Variants in NELL2 observed in about 807,000 individuals in gnomAD.
NELL2 encodes the protein neural EGFL like 2.
A neutral mutation model predicts 109.6 loss-of-function variants in NELL2; 41 were observed. That is an observed-to-expected ratio of 0.37 (90% CI 0.29 to 0.49). NELL2 has a LOEUF of 0.49. NELL2 is among the 20% of genes least tolerant of loss of function. The pLI, the probability that NELL2 is intolerant of heterozygous loss-of-function variation, is 0.98. For missense variants in NELL2, 900 were observed against 1,008.3 expected (o/e 0.89, Z 1.45); for synonymous variants, 355 against 344.7 (o/e 1.03, Z -0.33).
At chr12:44,571,533 G>A (rs1210550743) in intron 15 of NELL2, among the ~76,000 whole-genome samples, 3 of 152,180 alleles carry the variant, frequency 2.0e-5, no homozygotes, top group Non-Finnish European at 2.9e-5. Flanking sequence ...GGGAAGTGAT[G>A]TTATCTTGTT....
At chr12:44,687,234 G>A (rs886218965) in intron 12 of NELL2, among the ~76,000 whole-genome samples, 2 of 150,760 alleles carry the variant, frequency 1.3e-5, no homozygotes, top group African/African-American at 2.4e-5. Context: ...TGCGCTTCCC[G>A]AGTGAGGCAA....
At chr12:44,598,723 A>G (rs188161773) in intron 15 of NELL2, among the ~76,000 whole-genome samples, 3 of 152,288 alleles carry the variant, frequency 2.0e-5, no homozygotes, top group African/African-American at 7.2e-5. Flanking sequence ...ATAAGAAGCC[A>G]AACACCAGAT....
At chr12:44,515,294 A>G (rs1225030372) in intron 19 of NELL2, among the ~76,000 whole-genome samples, 1 of 151,922 alleles carries the variant, frequency 6.6e-6, no homozygotes, top group Non-Finnish European at 1.5e-5. Context: ...ACAAAACAAT[A>G]TACTATGTGG....
intron 15 of NELL2, among the ~76,000 whole-genome samples, chr12:44,544,785 T>A (rs2139039701): frequency 6.6e-6 from 1 of 152,120 alleles, no homozygotes; most frequent in Non-Finnish European, 1.5e-5. Context: ...ATAAAGAAAA[T>A]GAGACAGAAG....
chr12:44,799,221 G>A (rs548812530), intron 3 of NELL2, among the ~76,000 whole-genome samples: 1 of 152,120 alleles, frequency 6.6e-6, no homozygotes, highest in South Asian at 2.1e-4. Context: ...GCCTCCCAAA[G>A]TGCTGGGACT....
chr12:44,860,902 G>GCC (rs1944821834), intron 2 of NELL2, among the ~76,000 whole-genome samples: 1 of 152,024 alleles, frequency 6.6e-6, no homozygotes, highest in Admixed American at 6.6e-5. Context: ...CAAATTTCCA[G>GCC]CCCACTGAAG....
chr12:44,628,400 C>T (rs185234852), intron 13 of NELL2, among the ~76,000 whole-genome samples: 194 of 152,298 alleles, frequency 1.3e-3, no homozygotes, highest in Non-Finnish European at 2.0e-3. Flanking sequence ...CACTGAAACA[C>T]AATCCAAGCC....
At chr12:44,612,117 A>G (rs746709360) in intron 13 of NELL2, among the ~76,000 whole-genome samples, 10 of 152,070 alleles carry the variant, frequency 6.6e-5, no homozygotes, top group African/African-American at 1.4e-4. Context: ...TAATGGTAAT[A>G]TATCTGTAAC....
intron 19 of NELL2, among the ~76,000 whole-genome samples, chr12:44,511,154 C>T (rs1940985870): frequency 6.6e-6 from 1 of 152,112 alleles, no homozygotes; most frequent in African/African-American, 2.4e-5. Context: ...GTTGCTTATT[C>T]CATATTGGAT....
At chr12:44,624,441 T>C (rs566593709) in intron 13 of NELL2, among the ~76,000 whole-genome samples, 1 of 152,242 alleles carries the variant, frequency 6.6e-6, no homozygotes, top group South Asian at 2.1e-4. Context: ...TCATGGCTCT[T>C]ATTCTACCCT....
In NELL2 at chr12:44,600,209, C is replaced by T. The variant is rs1592186144; in HGVS notation, c.1663+6960G>A. Among the ~76,000 whole-genome samples the T allele has an allele frequency of 2.0e-5, 3 of 149,150 alleles. No individual in the cohort carries two copies. The East Asian group carries it at 5.9e-4, about 29-fold the overall frequency. On this transcript the variant is annotated intron_variant, in intron 15 of 19. Coordinates refer to ENST00000429094, the MANE Select transcript of NELL2 (RefSeq NM_001145108.2). ...TATTTTTAGTAGAAATGGGGCTTCA[C>T]CGTGTTAGTCAGGATGGTCTGGATC...
In NELL2 at chr12:44,839,564, G is replaced by T. The variant is rs141765405; in HGVS notation, c.185-23428C>A. On this transcript the variant is annotated intron_variant, in intron 2 of 19. Coordinates refer to ENST00000429094, the MANE Select transcript of NELL2 (RefSeq NM_001145108.2). ...ATAACAAAAATGCTTTCCAAAAAGG[G>T]CTCTCAGTTTTATGCAGAAATACTA... 4.8e-3 allele frequency among the ~76,000 whole-genome samples: 726 copies of T among 152,188 alleles called. 6 individuals carry two copies. Among genetic ancestry groups the T allele is most frequent in the African/African-American group, 0.017 (690 of 41,508 alleles).
At chr12:44,791,207 T>C (rs1352517340) in intron 3 of NELL2, among the ~76,000 whole-genome samples, 1 of 78,372 alleles carries the variant, frequency 1.3e-5, no homozygotes, top group Non-Finnish European at 2.5e-5. Context: ...TATATATATA[T>C]ATATATATAT....
chr12:44,742,817 A>C lies in NELL2; in HGVS notation c.995-28076T>G, dbSNP rs149736279. Among the ~76,000 whole-genome samples, 814 of 152,342 alleles carry C rather than the reference A, an allele frequency of 5.3e-3. 5 individuals are homozygous for C. Among genetic ancestry groups the C allele is most frequent in the Non-Finnish European group, 8.0e-3 (547 of 68,024 alleles). The stretch of plus-strand genomic sequence containing the variant: ...GGGACTACGTGAAAAGACCAAATCT[A>C]CGTCTGATTGGCGTACCTGAAAGTG... On this transcript the variant is annotated intron_variant, in intron 9 of 19. Coordinates refer to ENST00000429094, the MANE Select transcript of NELL2 (RefSeq NM_001145108.2).
chr12:44,561,486 A>G (rs897609083), intron 15 of NELL2, among the ~76,000 whole-genome samples: 1 of 152,234 alleles, frequency 6.6e-6, no homozygotes, highest in African/African-American at 2.4e-5. Flanking sequence ...GCAAAGGCTC[A>G]GGATACAAAA....
At chr12:44,646,545 T>A (rs1251913925) in intron 13 of NELL2, among the ~76,000 whole-genome samples, 2 of 152,240 alleles carry the variant, frequency 1.3e-5, no homozygotes. Context: ...AGAACACTTA[T>A]AACAATATAC....
At chr12:44,723,276 G>C (rs180843078) in intron 9 of NELL2, among the ~76,000 whole-genome samples, 3 of 151,642 alleles carry the variant, frequency 2.0e-5, no homozygotes, top group African/African-American at 4.9e-5. Context: ...TAATATTTTA[G>C]AGCTGCCCAG....
intron 15 of NELL2, among the ~76,000 whole-genome samples, chr12:44,538,049 A>G (rs1056564801): frequency 2.0e-5 from 3 of 152,216 alleles, no homozygotes; most frequent in African/African-American, 4.8e-5. Flanking sequence ...ATGCACAGAT[A>G]TAATCTCTTC....
chr12:44,765,467 C>A (rs997931518), intron 9 of NELL2, among the ~76,000 whole-genome samples: 1 of 152,068 alleles, frequency 6.6e-6, no homozygotes, highest in Non-Finnish European at 1.5e-5. Flanking sequence ...TTCCAGAGAC[C>A]ATGTAGCCAG....
Sources: allele counts gnomAD v4.1 joint callset (sites outside exome capture counted in the v4.1 genomes callset), GRCh38; gene constraint gnomAD v4.1.1; transcripts MANE v1.5; gene names NCBI Gene and HGNC (gene_info 2026-07-23, HGNC 2026-07-21).